The following UHRF2 variants were observed in gnomAD, a reference collection of about 807,000 sequenced individuals.
The protein encoded by UHRF2 is ubiquitin like with PHD and ring finger domains 2, also known as E3 ubiquitin-protein ligase UHRF2.
A neutral mutation model predicts 96.8 loss-of-function variants in UHRF2; 23 were observed. The ratio of observed to expected loss-of-function variants is 0.24; its 90% CI spans 0.17 to 0.34. The LOEUF (loss-of-function observed/expected upper bound fraction) is 0.34, where lower values mean the gene tolerates loss of function less well. Ranked by LOEUF, UHRF2 falls within the 10% of genes least tolerant of loss-of-function variation. UHRF2 has a pLI of 1.00. For synonymous variants in UHRF2, 385 were observed against 332.6 expected (o/e 1.16, Z -1.72); for missense variants, 685 against 981.5 (o/e 0.70, Z 4.04).
At chr9:6,497,965 T>A in intron 11 of UHRF2, 53 bp from the exon 12 acceptor site, 1 of 1,598,542 alleles carries the variant, frequency 6.3e-7, no homozygotes, top group South Asian at 1.1e-5. Context: ...ACTAATGTGA[T>A]GAATAAGTCT....
rs774208556 is a variant in UHRF2, at chr9:6,475,478, A to G, written c.951A>G (p.Ser317=). The G allele has an allele frequency of 3.8e-6, 6 of 1,591,154 alleles. No homozygotes were observed. Among genetic ancestry groups the G allele is most frequent in the Non-Finnish European group, 4.3e-6 (5 of 1,168,074 alleles). The part of the protein sequence containing the change: ...KIERPGAHPL[S]FADGKFLRRN... ...AGAGACCTGGAGCCCATCCCCTTTC[A>G]TTTGCAGATGGAAAGTTTTTAAGTA... The change falls in exon 5 of 16, where the codon TCA becomes TCG. Residue 317 remains serine, a synonymous_variant. Coordinates refer to ENST00000276893, the MANE Select transcript of UHRF2 (RefSeq NM_152896.3).
At chr9:6,423,122 CA>C (rs1286761660) in intron 2 of UHRF2, 6 of 152,778 alleles carry the variant, frequency 3.9e-5, no homozygotes, top group Admixed American at 3.9e-4. Flanking sequence ...CAAGATTATT[CA>C]AATGGAGATA....
chr9:6,422,919 T>C lies in UHRF2; in HGVS notation c.384+1777T>C, dbSNP rs142457461. The C allele has an allele frequency of 2.7e-3, 960 of 354,396 alleles. 4 individuals carry two copies. Among genetic ancestry groups the C allele is most frequent in the African/African-American group, 0.017 (790 of 47,850 alleles). The allele number at this position is 354,396 out of a possible 1,614,324, so 22.0% of individuals were successfully genotyped here. On this transcript the variant is annotated intron_variant, in intron 2 of 15. Transcript: ENST00000276893. ...GTTTGCTGATATAGAGAAATGAAAT[T>C]GATTTATTTGGCTTTTGTAACCAGC... is the stretch of plus-strand genomic sequence containing the variant.
chr9:6,499,762 C>T (rs1825168812), intron 12 of UHRF2, 73 bp from the exon 13 acceptor site: 3 of 965,222 alleles, frequency 3.1e-6, no homozygotes, highest in Non-Finnish European at 4.5e-6. Context: ...TTTAATTTCT[C>T]ACCAGGATCT....
intron 2 of UHRF2, among the ~76,000 whole-genome samples, chr9:6,425,830 A>G (rs1820224753): frequency 1.3e-5 from 2 of 152,112 alleles, no homozygotes; most frequent in Admixed American, 1.3e-4. Flanking sequence ...TTGGTGTGTC[A>G]TTGCTTTTAG....
At chr9:6,416,484 C>T (rs1236056519) in intron 1 of UHRF2, among the ~76,000 whole-genome samples, 1 of 140,924 alleles carries the variant, frequency 7.1e-6, no homozygotes, top group African/African-American at 2.6e-5. Flanking sequence ...TTGAGGCACG[C>T]GGGGGATTGG....
chr9:6,439,027 A>G (rs1410157969), intron 3 of UHRF2, among the ~76,000 whole-genome samples: 2 of 152,214 alleles, frequency 1.3e-5, no homozygotes, highest in African/African-American at 4.8e-5. Context: ...TTGTTTCCTA[A>G]TTTATCTCCA....
chr9:6,481,546 A>G, intron 6 of UHRF2, 97 bp from the exon 7 acceptor site: 5 of 1,402,736 alleles, frequency 3.6e-6, no homozygotes, highest in Non-Finnish European at 3.9e-6. Context: ...CAAATAATAC[A>G]TCTTAAAACT....
chr9:6,436,011 G>A (rs1019711793), intron 3 of UHRF2, among the ~76,000 whole-genome samples: 1 of 152,186 alleles, frequency 6.6e-6, no homozygotes, highest in African/African-American at 2.4e-5. Context: ...TTAAAAAATT[G>A]TAGTACGAAA....
intron 2 of UHRF2, among the ~76,000 whole-genome samples, chr9:6,427,481 T>A (rs10739099): frequency 0.7 from 106,064 of 151,934 alleles, 39,608 homozygotes; most frequent in South Asian, 0.83. Flanking sequence ...GAGGTCAGGC[T>A]TTTGCAACCA....
Position 6,420,925 on chromosome 9 carries a change from A to G in UHRF2, c.167A>G (p.Tyr56Cys), listed in dbSNP as rs1173727829. 2.6e-5 allele frequency: 42 copies of G among 1,613,472 alleles called. No individual in the cohort carries two copies. The highest frequency in any genetic ancestry group is 3.3e-5 in the South Asian group (3 of 91,062). The change falls in exon 2 of 16, where the codon TAT becomes TGT. Residue 56 changes from tyrosine to cysteine, a missense_variant. By Grantham distance (194) the Tyr-to-Cys change is radical (BLOSUM62 -2). Around this residue, in one of 6 missense-constraint regions of UHRF2, gnomAD observed 391 missense variants for 437.0 expected, o/e 0.89. Transcript: ENST00000276893. ...TTTATTTTCTAGTTGGAAAATGGAT[A>G]TACCTTATTTGATTATGATGTTGGA... ...FYRGKQLENGYTLFDYDVGLN... is the reference protein window; with the variant it reads ...FYRGKQLENGCTLFDYDVGLN...
chr9:6,465,002 AATTATAATCATCTGTGAATTATTACAT>A (rs1294991853), intron 4 of UHRF2, among the ~76,000 whole-genome samples: 1 of 152,140 alleles, frequency 6.6e-6, no homozygotes, highest in East Asian at 1.9e-4. Context: ...AAATGTTTGG[AATTATAATCATCTGTGAATTATTACAT>A]TTTTGTTTTG....
intron 2 of UHRF2, among the ~76,000 whole-genome samples, chr9:6,432,075 T>C (rs555609974): frequency 1.3e-5 from 2 of 152,232 alleles, no homozygotes; most frequent in African/African-American, 4.8e-5. Flanking sequence ...GTGATTAGTA[T>C]GGGAGAAATG....
At position 6,444,974 on chromosome 9, in the gene UHRF2, C is replaced by T. The variant is rs1441828062; in HGVS notation, c.644+10801C>T. ...GGAGCAGTGGTTCTGTCACAGGCTA[C>T]ATAGTTTAGGCACTAGATTTAGAAT... On this transcript the variant is annotated intron_variant, in intron 3 of 15. Transcript: ENST00000276893. Among the ~76,000 whole-genome samples, 3 of 151,810 alleles carry T rather than the reference C, an allele frequency of 2.0e-5. 1 individual carries two copies. Among genetic ancestry groups the T allele is most frequent in the Non-Finnish European group, 4.4e-5 (3 of 67,962 alleles).
intron 3 of UHRF2, among the ~76,000 whole-genome samples, chr9:6,438,481 T>C (rs978654975): frequency 1.3e-5 from 2 of 152,242 alleles, no homozygotes; most frequent in Non-Finnish European, 2.9e-5. Flanking sequence ...ATTTATGGCT[T>C]TATGGTATTT....
rs1421794420 is a variant in UHRF2 at position 6,493,686 on chromosome 9, A to G, written c.1498-140A>G. The G allele has an allele frequency of 2.5e-5, 16 of 650,934 alleles. No homozygotes were observed. In the East Asian group the frequency reaches 4.4e-4, roughly 18 times the overall value. The allele number at this position is 650,934 out of a possible 1,614,324, so 40.3% of individuals were successfully genotyped here. ...ATACTACACACAAGATTGCATTTAA[A>G]TTTTGCATTATTTTGGGAGATGCCT... is the stretch of plus-strand genomic sequence containing the variant. On this transcript the variant is annotated intron_variant, in intron 9 of 15. Coordinates refer to ENST00000276893, the MANE Select transcript of UHRF2 (RefSeq NM_152896.3).
intron 15 of UHRF2, among the ~76,000 whole-genome samples, 192 bp from the exon 16 acceptor site, chr9:6,505,841 C>T (rs949167360): frequency 7.9e-5 from 12 of 152,180 alleles, no homozygotes; most frequent in African/African-American, 2.4e-4. Flanking sequence ...TGAAGGCTCC[C>T]AATATCTGCC....
chr9:6,463,682 G>C (rs1822693221), intron 4 of UHRF2, among the ~76,000 whole-genome samples: 2 of 152,168 alleles, frequency 1.3e-5, no homozygotes, highest in East Asian at 3.9e-4. Flanking sequence ...TGTTGTCCAG[G>C]CTGGTTTCGA....
chr9:6,442,219 C>A (rs1288343892), intron 3 of UHRF2, among the ~76,000 whole-genome samples: 1 of 152,156 alleles, frequency 6.6e-6, no homozygotes, highest in Non-Finnish European at 1.5e-5. Context: ...CAGCCTCAGC[C>A]TCCCAAAGTG....
Sources: allele counts gnomAD v4.1 joint callset (sites outside exome capture counted in the v4.1 genomes callset), GRCh38; gene constraint gnomAD v4.1.1; regional missense constraint gnomAD v4.1.1; transcripts MANE v1.5; gene names NCBI Gene and HGNC (gene_info 2026-07-23, HGNC 2026-07-21).